The following MACROD2 variants were observed in gnomAD, a reference collection of about 807,000 sequenced individuals.
The protein encoded by MACROD2 is ADP-ribose glycohydrolase MACROD2.
Under a neutral mutation model 70.4 loss-of-function variants are expected in MACROD2, and 36 were observed. The observed-to-expected ratio is 0.51, with a 90% CI of 0.39 to 0.68. MACROD2 has a LOEUF of 0.68. Among genes scored for constraint, MACROD2 ranks in the 30% least tolerant of loss-of-function variants. The pLI is 0.00. For synonymous variants in MACROD2, 172 were observed against 178.8 expected (o/e 0.96, Z 0.30); for missense variants, 496 against 538.4 (o/e 0.92, Z 0.78).
chr20:14,225,242 A>T lies in MACROD2; in HGVS notation c.271+139514A>T, dbSNP rs2081721469. 2.0e-5 allele frequency among the ~76,000 whole-genome samples: 3 copies of T among 152,242 alleles called. No homozygotes were observed. In the South Asian group the frequency reaches 6.2e-4, roughly 32 times the overall value. On this transcript the variant is annotated intron_variant, in intron 3 of 17. Transcript: ENST00000684519. ...CATTGGTTATATTTTAGTAGCTTGG[A>T]ATATTACAGAAAAGAAGTACATATT...
intron 5 of MACROD2, among the ~76,000 whole-genome samples, chr20:15,183,074 G>C (rs1323533925): frequency 1.3e-5 from 2 of 152,138 alleles, no homozygotes; most frequent in Admixed American, 1.3e-4. Flanking sequence ...GTATTTGGTT[G>C]CATTTCTTGC....
At chr20:14,520,945 G>A (rs968053907) in intron 4 of MACROD2, among the ~76,000 whole-genome samples, 3 of 106,648 alleles carry the variant, frequency 2.8e-5, no homozygotes, top group Admixed American at 1.1e-4. Flanking sequence ...AGACATGCAC[G>A]CGTGCGTGCG....
intron 6 of MACROD2, among the ~76,000 whole-genome samples, chr20:15,234,133 G>A (rs1381770299): frequency 1.5e-5 from 2 of 131,724 alleles, no homozygotes; most frequent in African/African-American, 5.7e-5. Context: ...CCAGGTTCAC[G>A]CCATTCTCCT....
At chr20:14,717,932 A>G (rs903132933) in intron 5 of MACROD2, among the ~76,000 whole-genome samples, 1 of 152,176 alleles carries the variant, frequency 6.6e-6, no homozygotes, top group African/African-American at 2.4e-5. Context: ...CACAGAATCC[A>G]AGGTGGTGCT....
At position 14,230,654 on chromosome 20, in the gene MACROD2, T is replaced by TATATATATATATATATATAAAAAA; in HGVS notation, c.271+144927_271+144928insTATATATATATATATATAAAAAAA. ...GTTTATATATATATATATATATATA[T>TATATATATATATATATATAAAAAA]AACACAGGCTGGGCCTATATATATA... On this transcript the variant is annotated intron_variant, in intron 3 of 17. Transcript: ENST00000684519. Among the ~76,000 whole-genome samples, 21 of 74,240 alleles carry TATATATATATATATATATAAAAAA rather than the reference T, an allele frequency of 2.8e-4. 1 individual carries two copies. The highest frequency in any genetic ancestry group is 1.0e-3 in the African/African-American group (15 of 14,822). The allele number at this position is 74,240 out of a possible 152,430, so 48.7% of individuals were successfully genotyped here. A position where few individuals can be genotyped will look rare whatever the true frequency, so the allele number is the denominator to read the frequency against.
At chr20:14,863,648 A>T (rs2073396809) in intron 5 of MACROD2, among the ~76,000 whole-genome samples, 2 of 152,138 alleles carry the variant, frequency 1.3e-5, no homozygotes, top group Non-Finnish European at 2.9e-5. Context: ...CTTAATATAT[A>T]TAACATTAAT....
intron 8 of MACROD2, among the ~76,000 whole-genome samples, chr20:15,577,800 C>T (rs764065725): frequency 1.3e-5 from 2 of 152,094 alleles, no homozygotes; most frequent in African/African-American, 2.4e-5. Context: ...TGTTTTCTCC[C>T]GTGACTATTT....
intron 10 of MACROD2, among the ~76,000 whole-genome samples, chr20:15,897,498 T>C (rs2064991242): frequency 6.6e-6 from 1 of 152,176 alleles, no homozygotes; most frequent in Non-Finnish European, 1.5e-5. Flanking sequence ...TAACTTCTAA[T>C]CTATTACTTT....
chr20:15,609,195 C>T (rs1006559624), intron 8 of MACROD2, among the ~76,000 whole-genome samples: 1 of 152,170 alleles, frequency 6.6e-6, no homozygotes, highest in Non-Finnish European at 1.5e-5. Context: ...TAATTACACT[C>T]CCTTCAGACT....
chr20:14,586,959 C>T (rs562267498), intron 4 of MACROD2, among the ~76,000 whole-genome samples: 2 of 151,482 alleles, frequency 1.3e-5, no homozygotes, highest in South Asian at 2.1e-4. Context: ...TTCAGATAAA[C>T]GTAGAAATTA....
intron 6 of MACROD2, among the ~76,000 whole-genome samples, chr20:15,287,712 T>C (rs1370742464): frequency 2.6e-5 from 4 of 152,234 alleles, no homozygotes; most frequent in African/African-American, 9.6e-5. Context: ...TGCTCGCTCT[T>C]GCAACAGCTA....
intron 8 of MACROD2, among the ~76,000 whole-genome samples, chr20:15,784,721 CA>C (rs573455300): frequency 9.9e-5 from 15 of 152,154 alleles, no homozygotes; most frequent in African/African-American, 3.6e-4. Flanking sequence ...AAAACAAGAA[CA>C]GTAAAGCTTT....
intron 15 of MACROD2, among the ~76,000 whole-genome samples, 166 bp downstream of exon 15, chr20:15,987,324 A>T (rs543729646): frequency 6.6e-6 from 1 of 152,364 alleles, no homozygotes; most frequent in South Asian, 2.1e-4. Flanking sequence ...AAAATCTAGA[A>T]GTAGCAAAAG....
chr20:15,114,679 T>C (rs2075979730), intron 5 of MACROD2, among the ~76,000 whole-genome samples: 1 of 152,238 alleles, frequency 6.6e-6, no homozygotes, highest in Non-Finnish European at 1.5e-5. Context: ...TAAGTTTCTA[T>C]ATTTGTGGTC....
intron 4 of MACROD2, among the ~76,000 whole-genome samples, chr20:14,522,681 C>G (rs188976022): frequency 8.0e-4 from 122 of 152,298 alleles, no homozygotes; most frequent in African/African-American, 2.7e-3. Context: ...CTCTCAATGG[C>G]ATTTGACTCA....
intron 5 of MACROD2, among the ~76,000 whole-genome samples, chr20:15,083,145 G>C (rs1461020659): frequency 6.6e-6 from 1 of 152,146 alleles, no homozygotes; most frequent in Admixed American, 6.6e-5. Flanking sequence ...GTGGGTTTCT[G>C]ACAAAGGTCG....
chr20:15,303,144 C>A (rs2077662972), intron 6 of MACROD2, among the ~76,000 whole-genome samples: 1 of 152,134 alleles, frequency 6.6e-6, no homozygotes, highest in African/African-American at 2.4e-5. Flanking sequence ...TTCCAAAATT[C>A]TGCAAACTAA....
chr20:14,065,767 A>T (rs1303649672), intron 2 of MACROD2, among the ~76,000 whole-genome samples: 3 of 152,210 alleles, frequency 2.0e-5, no homozygotes, highest in African/African-American at 7.2e-5. Flanking sequence ...AATCGGCATA[A>T]TGTTTCCAGA....
At chr20:15,940,448 A>G (rs2065735798) in intron 12 of MACROD2, among the ~76,000 whole-genome samples, 1 of 152,162 alleles carries the variant, frequency 6.6e-6, no homozygotes, top group Admixed American at 6.6e-5. Flanking sequence ...ATCAAACAGC[A>G]TTGCATGCCA....
Sources: allele counts gnomAD v4.1 joint callset (sites outside exome capture counted in the v4.1 genomes callset), GRCh38; gene constraint gnomAD v4.1.1; transcripts MANE v1.5; gene names NCBI Gene and HGNC (gene_info 2026-07-23, HGNC 2026-07-21).